The following IGF1R variants were observed in gnomAD, a reference collection of about 807,000 sequenced individuals.
IGF1R encodes the protein insulin-like growth factor 1 receptor.
A neutral mutation model predicts 144.6 loss-of-function variants in IGF1R; 44 were observed. That is an observed-to-expected ratio of 0.30 (90% CI 0.24 to 0.39). IGF1R has a LOEUF of 0.39. IGF1R is among the 10% of genes least tolerant of loss of function. IGF1R has a pLI of 1.00. For missense variants in IGF1R, 1,355 were observed against 1,833.7 expected, an observed-to-expected ratio of 0.74 and a Z score of 4.77; for synonymous variants, 795 against 722.8, an observed-to-expected ratio of 1.10 and a Z score of -1.60.
At chr15:98,894,392 G>C (rs1209778295) in intron 3 of IGF1R, among the ~76,000 whole-genome samples, 1 of 152,158 alleles carries the variant, frequency 6.6e-6, no homozygotes, top group East Asian at 1.9e-4. Flanking sequence ...AGCTTTATTT[G>C]TAATAACCCC....
chr15:98,688,543 C>G (rs962187904), intron 1 of IGF1R, among the ~76,000 whole-genome samples: 1 of 152,024 alleles, frequency 6.6e-6, no homozygotes, highest in Non-Finnish European at 1.5e-5. Context: ...TCTGTGCTAA[C>G]CACTGCTGAG....
intron 2 of IGF1R, among the ~76,000 whole-genome samples, chr15:98,775,564 A>G (rs1188384468): frequency 6.6e-6 from 1 of 152,168 alleles, no homozygotes; most frequent in African/African-American, 2.4e-5. Context: ...ATGTGTCCCA[A>G]GCCCCCACTT....
intron 2 of IGF1R, among the ~76,000 whole-genome samples, chr15:98,728,684 G>A (rs891059829): frequency 3.9e-5 from 6 of 152,236 alleles, no homozygotes; most frequent in East Asian, 3.9e-4. Context: ...GGCCCCCATC[G>A]CTTCTTCATC....
At chr15:98,738,314 G>T (rs1055510501) in intron 2 of IGF1R, among the ~76,000 whole-genome samples, 2 of 152,202 alleles carry the variant, frequency 1.3e-5, no homozygotes, top group Non-Finnish European at 1.5e-5. Flanking sequence ...GGGACTGTTG[G>T]TGTCAGGCAC....
intron 5 of IGF1R, among the ~76,000 whole-genome samples, chr15:98,906,796 A>G (rs532680487): frequency 6.6e-6 from 1 of 152,368 alleles, no homozygotes; most frequent in East Asian, 1.9e-4. Context: ...TTTGGTGGTC[A>G]CTAATGTGTC....
chr15:98,728,742 C>A lies in IGF1R; in HGVS notation c.640+20635C>A, dbSNP rs537188839. On this transcript the variant is annotated intron_variant, in intron 2 of 20. Coordinates refer to ENST00000650285, the MANE Select transcript of IGF1R (RefSeq NM_000875.5). ...CACTCTCCCGAGGCCAGCTGGTGGCCTTTGGTGATCACCCTCTCTGTAAGT... is the reference window on the plus strand; with the variant it reads ...CACTCTCCCGAGGCCAGCTGGTGGCATTTGGTGATCACCCTCTCTGTAAGT... Among the ~76,000 whole-genome samples the A allele has an allele frequency of 1.4e-3, 206 of 152,362 alleles. 5 individuals are homozygous for A. Among genetic ancestry groups the A allele is most frequent in the South Asian group, 6.6e-3 (32 of 4,832 alleles).
intron 20 of IGF1R, among the ~76,000 whole-genome samples, chr15:98,951,287 C>T (rs2016763283): frequency 6.6e-6 from 1 of 152,190 alleles, no homozygotes; most frequent in Non-Finnish European, 1.5e-5. Flanking sequence ...GAGGGTGGCA[C>T]CTACAGATGC....
chr15:98,658,596 C>T (rs937118232), intron 1 of IGF1R, among the ~76,000 whole-genome samples: 1 of 152,172 alleles, frequency 6.6e-6, no homozygotes, highest in Non-Finnish European at 1.5e-5. Flanking sequence ...AAAGGCAGCA[C>T]GCTAAGTCAG....
Position 98,908,777 on chromosome 15 carries a change from A to C in IGF1R, c.1340A>C (p.Tyr447Ser). ...RNLTIKAGKMYFAFNPKLCVS... is the reference protein window; with the variant it reads ...RNLTIKAGKMSFAFNPKLCVS... Reference sequence around the variant, plus strand: ...CTGACCATCAAAGCAGGGAAAATGTACTTTGCTTTCAATCCCAAATTATGT... The same window carrying C: ...CTGACCATCAAAGCAGGGAAAATGTCCTTTGCTTTCAATCCCAAATTATGT... The change falls in exon 6 of 21, where the codon TAC becomes TCC. Residue 447 changes from tyrosine to serine, a missense_variant. By Grantham distance (144) the Tyr-to-Ser change is moderately radical. Around this residue, in one of 7 missense-constraint regions of IGF1R, gnomAD observed 880 missense variants for 1,202.7 expected, o/e 0.73. Coordinates refer to ENST00000650285, the MANE Select transcript of IGF1R (RefSeq NM_000875.5). 1 of 1,614,156 alleles carries C rather than the reference A, an allele frequency of 6.2e-7. No individual in the cohort carries two copies. Among genetic ancestry groups the C allele is most frequent in the Non-Finnish European group, 8.5e-7 (1 of 1,179,994 alleles).
chr15:98,787,595 C>G (rs1463647971), intron 2 of IGF1R, among the ~76,000 whole-genome samples: 6 of 151,660 alleles, frequency 4.0e-5, no homozygotes, highest in African/African-American at 1.2e-4. Context: ...CCCTAGGTCT[C>G]TTAAAACAGA....
chr15:98,924,532 G>A lies in IGF1R; in HGVS notation c.2630G>A (p.Arg877Gln), dbSNP rs1047436404. ...TATGTTTTATTTCCCCAGGATCAGC[G>A]AGAATGTGTGTCCAGACAGGAATAC... Reference protein sequence around the residue: ...IKYGSQVEDQRECVSRQEYRK... With the variant: ...IKYGSQVEDQQECVSRQEYRK... The change falls in exon 13 of 21, where the codon CGA (arginine) becomes CAA (glutamine). Residue 877 changes from arginine to glutamine, a missense_variant. By Grantham distance (43) the Arg-to-Gln change is conservative. Around this residue, in one of 7 missense-constraint regions of IGF1R, gnomAD observed 880 missense variants for 1,202.7 expected, o/e 0.73. Transcript: ENST00000650285. The A allele has an allele frequency of 5.0e-6, 8 of 1,614,020 alleles. No individual in the cohort carries two copies. In the African/African-American group the frequency reaches 5.3e-5, roughly 11 times the overall value.
intron 2 of IGF1R, among the ~76,000 whole-genome samples, chr15:98,718,429 A>G (rs1261544492): frequency 5.3e-5 from 8 of 152,192 alleles, no homozygotes. Context: ...AGGGACCTGG[A>G]TGAAGTTAGT....
chr15:98,944,687 T>C (rs1025086347), intron 19 of IGF1R, among the ~76,000 whole-genome samples: 2 of 152,246 alleles, frequency 1.3e-5, no homozygotes, highest in Admixed American at 6.5e-5. Context: ...CCCAGAATTT[T>C]AGGATTTGGG....
chr15:98,839,085 G>A (rs1297796549), intron 2 of IGF1R, among the ~76,000 whole-genome samples: 2 of 152,190 alleles, frequency 1.3e-5, no homozygotes, highest in Non-Finnish European at 2.9e-5. Flanking sequence ...AAAGAATCTT[G>A]CACCTGCTGC....
chr15:98,838,918 G>A (rs1384848483), intron 2 of IGF1R, among the ~76,000 whole-genome samples: 1 of 152,206 alleles, frequency 6.6e-6, no homozygotes, highest in Non-Finnish European at 1.5e-5. Flanking sequence ...TCCTGCTTTT[G>A]CTGGGAGAGC....
Position 98,955,786 on chromosome 15 carries a change from T to TC in IGF1R, c.3723-1274dup, listed in dbSNP as rs535470391. Among the ~76,000 whole-genome samples, 47 of 152,370 alleles carry TC rather than the reference T, an allele frequency of 3.1e-4. 1 individual carries two copies. In the South Asian group the frequency reaches 8.9e-3, roughly 29 times the overall value. ...CTGAAGGCCAGACACGGGCAGGTAG[T>TC]CTGTGGTCAAGCAGCCACCCTGACA... On this transcript the variant is annotated intron_variant, in intron 20 of 20. Transcript: ENST00000650285.
intron 1 of IGF1R, among the ~76,000 whole-genome samples, chr15:98,661,507 G>A (rs2052597739): frequency 6.6e-6 from 1 of 152,214 alleles, no homozygotes; most frequent in Non-Finnish European, 1.5e-5. Flanking sequence ...TTCAAGAGTA[G>A]CTTGTAAAAA....
At chr15:98,817,339 A>G (rs1254760298) in intron 2 of IGF1R, among the ~76,000 whole-genome samples, 4 of 146,044 alleles carry the variant, frequency 2.7e-5, no homozygotes, top group Non-Finnish European at 6.0e-5. Flanking sequence ...AATAATAATA[A>G]TAGTAAGAAT....
chr15:98,684,629 A>G (rs557375705), intron 1 of IGF1R, among the ~76,000 whole-genome samples: 1 of 152,284 alleles, frequency 6.6e-6, no homozygotes, highest in East Asian at 1.9e-4. Context: ...GCTTATCCAG[A>G]TGAGGACAGG....
Sources: allele counts gnomAD v4.1 joint callset (sites outside exome capture counted in the v4.1 genomes callset), GRCh38; gene constraint gnomAD v4.1.1; regional missense constraint gnomAD v4.1.1; transcripts MANE v1.5; gene names NCBI Gene and HGNC (gene_info 2026-07-23, HGNC 2026-07-21).